The following RASGEF1A variants were observed in gnomAD, a reference collection of about 807,000 sequenced individuals.
RASGEF1A encodes ras-GEF domain-containing family member 1A.
Under a neutral mutation model 56.4 loss-of-function variants are expected in RASGEF1A, and 18 were observed. That is an observed-to-expected ratio of 0.32 (90% CI 0.22 to 0.47). RASGEF1A has a LOEUF of 0.47. RASGEF1A is among the 20% of genes least tolerant of loss of function. The pLI is 1.00. For synonymous variants in RASGEF1A, 245 were observed against 242.6 expected (o/e 1.01, Z -0.09); for missense variants, 422 against 627.1 (o/e 0.67, Z 3.49).
chr10:43,202,083 G>A, intron 3 of RASGEF1A, 138 bp from the exon 4 acceptor site: 1 of 911,540 alleles, frequency 1.1e-6, no homozygotes, highest in Non-Finnish European at 1.5e-6. Flanking sequence ...CGTGCCACCT[G>A]CGGTTTGGCC....
intron 1 of RASGEF1A, among the ~76,000 whole-genome samples, chr10:43,257,117 C>T (rs759351406): frequency 6.6e-6 from 1 of 152,226 alleles, no homozygotes; most frequent in Non-Finnish European, 1.5e-5. Flanking sequence ...AATGGTTCTG[C>T]CTGAGTCCAT....
intron 1 of RASGEF1A, among the ~76,000 whole-genome samples, chr10:43,251,341 G>A (rs969142250): frequency 6.6e-6 from 1 of 152,284 alleles, no homozygotes; most frequent in East Asian, 1.9e-4. Context: ...CTTCCCATCT[G>A]CACCCCGCTG....
At chr10:43,235,656 A>G (rs1382973832) in intron 1 of RASGEF1A, among the ~76,000 whole-genome samples, 1 of 152,214 alleles carries the variant, frequency 6.6e-6, no homozygotes, top group African/African-American at 2.4e-5. Context: ...AGGCGGCACC[A>G]GTTAAAACTC....
chr10:43,259,574 C>T (rs998318474), intron 1 of RASGEF1A, among the ~76,000 whole-genome samples: 4 of 152,230 alleles, frequency 2.6e-5, no homozygotes, highest in Admixed American at 6.5e-5. Flanking sequence ...CTGCATGGTG[C>T]TTGTCCTTCC....
intron 1 of RASGEF1A, chr10:43,207,246 C>T: frequency 3.0e-6 from 3 of 985,548 alleles, no homozygotes; most frequent in Non-Finnish European, 3.6e-6. Flanking sequence ...AAGCGAGACC[C>T]TCCTGCCATT....
chr10:43,221,016 C>G (rs2133202310), intron 1 of RASGEF1A, among the ~76,000 whole-genome samples: 1 of 152,278 alleles, frequency 6.6e-6, no homozygotes, highest in South Asian at 2.1e-4. Flanking sequence ...TGCTCATGAC[C>G]AAGACACCTG....
At chr10:43,239,010 C>T (rs573295429) in intron 1 of RASGEF1A, among the ~76,000 whole-genome samples, 73 of 152,338 alleles carry the variant, frequency 4.8e-4, no homozygotes, top group African/African-American at 1.7e-3. Context: ...ATTATTCATT[C>T]TAATCAGTGG....
intron 1 of RASGEF1A, among the ~76,000 whole-genome samples, chr10:43,223,395 C>A (rs1472901171): frequency 6.6e-6 from 1 of 152,120 alleles, no homozygotes; most frequent in Non-Finnish European, 1.5e-5. Flanking sequence ...TAAATCACAC[C>A]TGTGTTAAAG....
intron 1 of RASGEF1A, among the ~76,000 whole-genome samples, chr10:43,237,813 C>G (rs1458626642): frequency 6.6e-6 from 1 of 152,194 alleles, no homozygotes; most frequent in African/African-American, 2.4e-5. Flanking sequence ...CAGCATGGCC[C>G]CAGCACATAG....
chr10:43,211,432 G>A (rs1290138022), intron 1 of RASGEF1A, among the ~76,000 whole-genome samples: 1 of 152,168 alleles, frequency 6.6e-6, no homozygotes, highest in East Asian at 1.9e-4. Context: ...CCTGGGAGAG[G>A]CTGAACCTAG....
rs757282198 is a variant in RASGEF1A, at chr10:43,198,138, T to C, written c.1090A>G (p.Thr364Ala). ...CTGTTGGCCATCTGGGACCTCTGCGTGGCCCCCTGCAGGGCTGTACGGTAG... is the reference window on the plus strand; with the variant it reads ...CTGTTGGCCATCTGGGACCTCTGCGCGGCCCCCTGCAGGGCTGTACGGTAG... ...CNYRTALQGA[T>A]QRSQMANSSR... Residue 364 changes from threonine to alanine, a missense_variant, in exon 10 of 13, where the codon ACG becomes GCG. Coordinates refer to ENST00000395810, the MANE Select transcript of RASGEF1A (RefSeq NM_145313.4). The C allele has an allele frequency of 1.2e-6, 2 of 1,614,184 alleles. No homozygotes were observed. The highest frequency in any genetic ancestry group is 1.7e-6 in the Non-Finnish European group (2 of 1,179,992).
chr10:43,252,975 G>A (rs117893266), intron 1 of RASGEF1A, among the ~76,000 whole-genome samples: 4,840 of 152,218 alleles, frequency 0.032, 100 homozygotes, highest in Middle Eastern at 0.058. Flanking sequence ...ACAGAGCACC[G>A]CACCCCACGC....
At chr10:43,238,269 A>G in intron 1 of RASGEF1A, among the ~76,000 whole-genome samples, 1 of 151,758 alleles carries the variant, frequency 6.6e-6, no homozygotes, top group East Asian at 1.9e-4. Flanking sequence ...GCAGATTGAG[A>G]CCTGCCTTCG....
chr10:43,225,652 G>A (rs1840270348), intron 1 of RASGEF1A, among the ~76,000 whole-genome samples: 1 of 151,870 alleles, frequency 6.6e-6, no homozygotes, highest in South Asian at 2.1e-4. Context: ...CCAGGAACAC[G>A]ATGTCCACAG....
rs1336627772 is a variant in RASGEF1A at position 43,196,597 on chromosome 10, G to A, written c.1349-49C>T. ...GAGCCTGTGTCCCCATGCAGTGTCTGCCTGAACCCAGCTGTCCCTTCAGGA... is the reference window on the plus strand; with the variant it reads ...GAGCCTGTGTCCCCATGCAGTGTCTACCTGAACCCAGCTGTCCCTTCAGGA... On this transcript the variant is annotated intron_variant, in intron 11 of 12. Coordinates refer to ENST00000395810, the MANE Select transcript of RASGEF1A (RefSeq NM_145313.4). The surrounding 1 kb of genome is among the most constrained non-coding windows in gnomAD (Gnocchi z 4.6). 6.5e-7 allele frequency: 1 copy of A among 1,548,684 alleles called. No homozygotes were observed. The highest frequency in any genetic ancestry group is 1.1e-5 in the South Asian group (1 of 89,944).
intron 1 of RASGEF1A, chr10:43,207,307 C>T (rs1468604223): frequency 2.0e-6 from 2 of 985,232 alleles, no homozygotes; most frequent in Non-Finnish European, 2.4e-6. Flanking sequence ...ATGATTACTT[C>T]AGTGCCATGA....
intron 1 of RASGEF1A, among the ~76,000 whole-genome samples, chr10:43,243,022 C>A (rs182681867): frequency 1.4e-5 from 2 of 145,176 alleles, no homozygotes. Context: ...CCCCTCTGCC[C>A]GCCCGACCCA....
intron 1 of RASGEF1A, chr10:43,208,931 A>C: frequency 6.1e-6 from 6 of 985,328 alleles, no homozygotes; most frequent in Non-Finnish European, 7.2e-6. Context: ...CCAGCCCTCC[A>C]CCTTCCCAGC....
intron 10 of RASGEF1A, 49 bp downstream of exon 10, chr10:43,197,955 T>TAGCTC: frequency 6.6e-7 from 1 of 1,506,762 alleles, no homozygotes; most frequent in African/African-American, 1.4e-5. Flanking sequence ...GCGGCTCCAG[T>TAGCTC]AGCTCAGACA....
Sources: allele counts gnomAD v4.1 joint callset (sites outside exome capture counted in the v4.1 genomes callset), GRCh38; gene constraint gnomAD v4.1.1; non-coding constraint Gnocchi (gnomAD v3.1); transcripts MANE v1.5; gene names NCBI Gene and HGNC (gene_info 2026-07-23, HGNC 2026-07-21).